The following BLM variants were observed in gnomAD, a reference collection of about 807,000 sequenced individuals.
The protein encoded by BLM is recQ-like DNA helicase BLM.
A neutral mutation model predicts 135.3 loss-of-function variants in BLM; 95 were observed. That is an observed-to-expected ratio of 0.70 (90% CI 0.59 to 0.83). The LOEUF (loss-of-function observed/expected upper bound fraction) is 0.83, where lower values mean the gene tolerates loss of function less well. BLM is among the 40% of genes least tolerant of loss of function. BLM has a pLI of 0.00. For missense variants in BLM, 1,518 were observed against 1,663.9 expected, an observed-to-expected ratio of 0.91 and a Z score of 1.53; for synonymous variants, 520 against 589.2, an observed-to-expected ratio of 0.88 and a Z score of 1.70.
chr15:90,734,675 G>GCGCA (rs1555416573), intron 1 of BLM, among the ~76,000 whole-genome samples: 58 of 134,186 alleles, frequency 4.3e-4, no homozygotes, highest in African/African-American at 1.5e-3. Flanking sequence ...GCGCACGCAC[G>GCGCA]CACACACACA....
In BLM at chr15:90,749,833, G is replaced by T. The variant is rs1180631656; in HGVS notation, c.565G>T (p.Gly189Cys). ...RVSTAQKSKKGKRNFFKAQLY... is the reference protein window; with the variant it reads ...RVSTAQKSKKCKRNFFKAQLY... ...AAGCACTGCTCAGAAATCAAAAAAG[G>T]GTAAGAGAAACTTTTTTAAAGCACA... Residue 189 changes from glycine (G) to cysteine (C), a missense_variant, in exon 3 of 22, where the codon GGT becomes TGT. Physicochemically the swap from Gly to Cys is radical, Grantham distance 159. Coordinates refer to ENST00000355112, the MANE Select transcript of BLM (RefSeq NM_000057.4). The T allele has an allele frequency of 1.3e-6, 2 of 1,593,330 alleles. No individual in the cohort carries two copies. The highest frequency in any genetic ancestry group is 1.7e-6 in the Non-Finnish European group (2 of 1,170,986).
intron 20 of BLM, among the ~76,000 whole-genome samples, chr15:90,810,022 T>C (rs1038765878): frequency 6.6e-6 from 1 of 151,250 alleles, no homozygotes; most frequent in African/African-American, 2.4e-5. Context: ...CCAAGGATGA[T>C]GGAAATGATG....
rs540484529 is a variant in BLM, at chr15:90,742,925, C to T, written c.-4-4464C>T. On this transcript the variant is annotated intron_variant, in intron 1 of 21. Transcript: ENST00000355112. Reference sequence around the variant, plus strand: ...TGCTAGTATTACAAGTGTGAGCCGCCGTGCCCAGCCTATTTGAAAAATTCT... The same window carrying T: ...TGCTAGTATTACAAGTGTGAGCCGCTGTGCCCAGCCTATTTGAAAAATTCT... Among the ~76,000 whole-genome samples, 41 of 151,982 alleles carry T rather than the reference C, an allele frequency of 2.7e-4. 1 individual carries two copies. The South Asian group carries it at 8.1e-3, about 30-fold the overall frequency.
At chr15:90,780,571 A>G (rs1366476640) in intron 12 of BLM, among the ~76,000 whole-genome samples, 4 of 152,254 alleles carry the variant, frequency 2.6e-5, no homozygotes, top group African/African-American at 9.6e-5. Flanking sequence ...GAAAAAGGAC[A>G]GCCAGCCCTT....
At chr15:90,719,257 C>T (rs1022725407) in intron 1 of BLM, among the ~76,000 whole-genome samples, 1 of 152,256 alleles carries the variant, frequency 6.6e-6, no homozygotes, top group Admixed American at 6.5e-5. Context: ...TCCCAAGGTG[C>T]TGGGATTACA....
At chr15:90,745,161 A>G (rs568215384) in intron 1 of BLM, among the ~76,000 whole-genome samples, 4 of 152,324 alleles carry the variant, frequency 2.6e-5, no homozygotes, top group South Asian at 4.1e-4. Context: ...GAAGCTCTCA[A>G]TGACTCATAA....
chr15:90,791,095 C>T (rs1211471662), intron 15 of BLM, among the ~76,000 whole-genome samples: 2 of 152,076 alleles, frequency 1.3e-5, no homozygotes, highest in African/African-American at 2.4e-5. Flanking sequence ...TGTAGTTTTG[C>T]CCCCAAAATA....
At chr15:90,755,008 T>C in intron 5 of BLM, 70 bp downstream of exon 5, 3 of 1,576,752 alleles carry the variant, frequency 1.9e-6, no homozygotes, top group Non-Finnish European at 2.6e-6. Context: ...AACACAAAGA[T>C]TGTGTTTTGA....
At chr15:90,797,021 C>G (rs72751868) in intron 16 of BLM, among the ~76,000 whole-genome samples, 2 of 151,722 alleles carry the variant, frequency 1.3e-5, no homozygotes, top group Admixed American at 1.3e-4. Flanking sequence ...GAAGTGTGAG[C>G]GGCTGATGTA....
chr15:90,808,477 T>G (rs1165476528), intron 19 of BLM, among the ~76,000 whole-genome samples: 2 of 152,228 alleles, frequency 1.3e-5, no homozygotes, highest in Non-Finnish European at 2.9e-5. Flanking sequence ...CACTCGCTCC[T>G]GCAATGGCTT....
At chr15:90,730,522 C>G (rs1293231296) in intron 1 of BLM, among the ~76,000 whole-genome samples, 1 of 150,258 alleles carries the variant, frequency 6.7e-6, no homozygotes, top group African/African-American at 2.5e-5. Flanking sequence ...CAATCTTGGC[C>G]CACTGCAACT....
In BLM at chr15:90,769,227, G is replaced by C. The variant is rs1348827963; in HGVS notation, c.2402G>C (p.Ser801Thr). Residue 801 changes from serine to threonine, a missense_variant, in exon 11 of 22, where the codon AGT (serine) becomes ACT (threonine). This residue lies in a region of BLM where 626 missense variants were observed against 681.1 expected (regional missense o/e 0.92). Transcript: ENST00000355112. ...GTTATTGATGAAGCACATTGTGTCA[G>C]TCAGGTAAATACTGTTTTTTATATC... The part of the protein sequence containing the change: ...RFVIDEAHCV[S>T]QWGHDFRQDY... 1 of 1,607,848 alleles carries C rather than the reference G, an allele frequency of 6.2e-7. No homozygotes were observed. The highest frequency in any genetic ancestry group is 8.5e-7 in the Non-Finnish European group (1 of 1,174,266).
chr15:90,743,720 T>C (rs1211419568), intron 1 of BLM, among the ~76,000 whole-genome samples: 1 of 152,170 alleles, frequency 6.6e-6, no homozygotes, highest in Non-Finnish European at 1.5e-5. Flanking sequence ...TGTCCAACAA[T>C]TGTATCGATA....
chr15:90,786,480 T>C (rs963763039), intron 14 of BLM, among the ~76,000 whole-genome samples: 5 of 152,252 alleles, frequency 3.3e-5, no homozygotes, highest in African/African-American at 1.2e-4. Context: ...AGTTCTGCAT[T>C]CTCACCAGCA....
chr15:90,760,663 C>A lies in BLM; in HGVS notation c.1290C>A (p.Tyr430Ter). The A allele has an allele frequency of 1.2e-6, 2 of 1,613,838 alleles. No homozygotes were observed. Among genetic ancestry groups the A allele is most frequent in the African/African-American group, 2.7e-5 (2 of 75,032 alleles). The change falls in exon 7 of 22, where the codon TAC becomes TAA. Residue 430 changes from tyrosine to a stop codon, truncating the protein, a stop_gained. Transcript: ENST00000355112. LOFTEE classifies it high-confidence loss of function. ...DASLLGSLWR[Y>*]RPDSLDGPME... ...GTCTTCTTGGCTCATTGTGGAGATA[C>A]AGGCCTGATTCACTTGATGGCCCTA...
Position 90,809,332 on chromosome 15 carries a change from G to T in BLM, c.3874+73G>T, listed in dbSNP as rs1567065821. 1.3e-5 allele frequency: 21 copies of T among 1,606,996 alleles called. 2 individuals carry two copies. The South Asian group carries it at 1.8e-4, about 14-fold the overall frequency. On this transcript the variant is annotated intron_variant, in intron 20 of 21. Transcript: ENST00000355112. ...GCGACGCGTCTCACTGAATTAGAAG[G>T]ATGCAGTTGTGTGAATGCTTCCTAC...
At chr15:90,801,685 G>A (rs1316791467) in intron 17 of BLM, among the ~76,000 whole-genome samples, 1 of 152,184 alleles carries the variant, frequency 6.6e-6, no homozygotes, top group Non-Finnish European at 1.5e-5. Flanking sequence ...CACCTGAAGA[G>A]CTGAAAACAA....
chr15:90,758,581 G>C (rs752419244), intron 5 of BLM, among the ~76,000 whole-genome samples: 1 of 152,192 alleles, frequency 6.6e-6, no homozygotes, highest in Non-Finnish European at 1.5e-5. Context: ...GCAGGATTCA[G>C]TTGTTCAAAC....
chr15:90,770,176 C>CTT (rs1452541663), intron 12 of BLM, among the ~76,000 whole-genome samples: 4 of 141,168 alleles, frequency 2.8e-5, no homozygotes, highest in African/African-American at 2.7e-5. Context: ...ATCCCCCCCC[C>CTT]CTTTTTTTTT....
Sources: allele counts gnomAD v4.1 joint callset (sites outside exome capture counted in the v4.1 genomes callset), GRCh38; gene constraint gnomAD v4.1.1; regional missense constraint gnomAD v4.1.1; transcripts MANE v1.5; gene names NCBI Gene and HGNC (gene_info 2026-07-23, HGNC 2026-07-21).